Variants in RAB27A observed in about 807,000 individuals in gnomAD.
RAB27A encodes the protein ras-related protein Rab-27A.
RAB27A carries 17 observed loss-of-function variants against 20.8 expected under a neutral mutation model. That is an observed-to-expected ratio of 0.82 (90% CI 0.56 to 1.23). RAB27A has a LOEUF of 1.23. RAB27A is among the 50% of genes most tolerant of loss of function. The pLI is 0.00. For synonymous variants in RAB27A, 85 were observed against 92.8 expected, an observed-to-expected ratio of 0.92 and a Z score of 0.48; for missense variants, 277 against 266.7, an observed-to-expected ratio of 1.04 and a Z score of -0.27.
chr15:55,269,387 G>T (rs1253258614), intron 2 of RAB27A, among the ~76,000 whole-genome samples: 1 of 152,118 alleles, frequency 6.6e-6, no homozygotes, highest in Non-Finnish European at 1.5e-5. Flanking sequence ...TTTAAAAGCA[G>T]ATTTAATTCC....
intron 1 of RAB27A, among the ~76,000 whole-genome samples, chr15:55,318,509 C>A (rs2055082699): frequency 6.6e-6 from 1 of 150,760 alleles, no homozygotes; most frequent in Admixed American, 6.6e-5. Context: ...TCCAGACCAG[C>A]CAGGCCAATA....
In RAB27A at chr15:55,228,639, G is replaced by T. The variant is rs200107421; in HGVS notation, c.313C>A (p.Gln105Lys). The T allele has an allele frequency of 3.1e-5, 50 of 1,611,724 alleles. No individual in the cohort carries two copies. Among genetic ancestry groups the T allele is most frequent in the Non-Finnish European group, 4.2e-5 (49 of 1,177,944 alleles). Reference sequence around the variant, plus strand: ...CAGTTTCTGACATTGAGGAAACTTTGCTCATTTGTCAGATCAAAAAGTAGA... The same window carrying T: ...CAGTTTCTGACATTGAGGAAACTTTTCTCATTTGTCAGATCAAAAAGTAGA... ...FLLLFDLTNE[Q>K]SFLNVRNWIS... The change falls in exon 5 of 7, where the codon CAA (glutamine) becomes AAA (lysine). Residue 105 changes from glutamine to lysine, a missense_variant. Physicochemically the swap from Gln to Lys is moderately conservative, Grantham distance 53. Transcript: ENST00000336787.
chr15:55,206,041 T>C (rs1013998773), intron 6 of RAB27A, among the ~76,000 whole-genome samples: 1 of 151,608 alleles, frequency 6.6e-6, no homozygotes, highest in African/African-American at 2.4e-5. Flanking sequence ...GGAAACCCCA[T>C]CTCTACAAAA....
At chr15:55,217,789 G>A (rs368225935) in intron 6 of RAB27A, among the ~76,000 whole-genome samples, 1 of 150,748 alleles carries the variant, frequency 6.6e-6, no homozygotes, top group African/African-American at 2.4e-5. Context: ...CCACCATGGA[G>A]CCGTATTGCC....
At chr15:55,266,864 G>A (rs1897509635) in intron 2 of RAB27A, among the ~76,000 whole-genome samples, 1 of 152,212 alleles carries the variant, frequency 6.6e-6, no homozygotes. Context: ...GACATCAAGG[G>A]AGTTGTGTTT....
Position 55,230,417 on chromosome 15 carries a change from T to C in RAB27A, c.223A>G (p.Thr75Ala). Reference sequence around the variant, plus strand: ...ATCTCATACCTCTCCTGCCCTGCTGTGTCCCATAACTGCAGGTGGATTCTC... The same window carrying C: ...ATCTCATACCTCTCCTGCCCTGCTGCGTCCCATAACTGCAGGTGGATTCTC... ...GQRIHLQLWD[T>A]AGQERFRSLT... is the part of the protein sequence containing the mutation. The change falls in exon 4 of 7, where the codon ACA (threonine) becomes GCA (alanine). Residue 75 changes from threonine (T) to alanine (A), a missense_variant. Transcript: ENST00000336787. 4 of 1,613,126 alleles carry C rather than the reference T, an allele frequency of 2.5e-6. No homozygotes were observed. Among genetic ancestry groups the C allele is most frequent in the Non-Finnish European group, 3.4e-6 (4 of 1,179,058 alleles).
At chr15:55,210,430 G>C (rs1161034248) in intron 6 of RAB27A, among the ~76,000 whole-genome samples, 2 of 143,798 alleles carry the variant, frequency 1.4e-5, no homozygotes, top group Admixed American at 6.8e-5. Flanking sequence ...TTTTTTGAGG[G>C]GGGGGGAATT....
At position 55,204,933 on chromosome 15, in the gene RAB27A, A is replaced by G. The variant is rs1595660855; in HGVS notation, c.*574T>C. The G allele has an allele frequency of 6.2e-6, 1 of 161,458 alleles. No homozygotes were observed. Among genetic ancestry groups the G allele is most frequent in the Non-Finnish European group, 1.4e-5 (1 of 73,428 alleles). 10.0% of individuals were successfully genotyped at this position (161,458 alleles called of 1,614,324 possible). A position where few individuals can be genotyped will look rare whatever the true frequency, so the allele number is the denominator to read the frequency against. On this transcript the variant is annotated 3_prime_UTR_variant, in exon 7 of 7. Transcript: ENST00000336787. ...AATCCAGTTTATCCAAGGTCTATAGATATAGCCATGATTTGTCCTATATTC... is the reference window on the plus strand; with the variant it reads ...AATCCAGTTTATCCAAGGTCTATAGGTATAGCCATGATTTGTCCTATATTC...
At position 55,306,664 on chromosome 15, in the gene RAB27A, A is replaced by G. The variant is rs1488520734; in HGVS notation, c.-112+7375T>C. Among the ~76,000 whole-genome samples the G allele has an allele frequency of 2.0e-4, 31 of 152,216 alleles. 1 individual carries two copies. Among genetic ancestry groups the G allele is most frequent in the Admixed American group, 2.0e-3 (31 of 15,282 alleles). On this transcript the variant is annotated intron_variant, in intron 2 of 5. Coordinates refer to the RAB27A transcript ENST00000563262. ...CATGCATGCAAAGAGTGGCAGAGTT[A>G]TAGCAGTTGTGGGGCATATGGGTGT...
chr15:55,261,342 AG>A, intron 2 of RAB27A, among the ~76,000 whole-genome samples: 1 of 152,126 alleles, frequency 6.6e-6, no homozygotes, highest in Middle Eastern at 3.4e-3. Flanking sequence ...GGTTTCAGTG[AG>A]CCATGATCGT....
chr15:55,217,086 A>G (rs1895340658), intron 6 of RAB27A, among the ~76,000 whole-genome samples: 1 of 152,250 alleles, frequency 6.6e-6, no homozygotes, highest in Non-Finnish European at 1.5e-5. Context: ...CTCCAAATTC[A>G]AGTAACAAAC....
intron 2 of RAB27A, among the ~76,000 whole-genome samples, chr15:55,300,637 C>T (rs2054967851): frequency 6.6e-6 from 1 of 152,030 alleles, no homozygotes; most frequent in African/African-American, 2.4e-5. Context: ...CGAGAGTGTG[C>T]CATTGCACCC....
At chr15:55,256,255 A>AT (rs1347762043) in intron 2 of RAB27A, among the ~76,000 whole-genome samples, 2 of 152,056 alleles carry the variant, frequency 1.3e-5, no homozygotes, top group Admixed American at 6.5e-5. Flanking sequence ...TTGTACAAAA[A>AT]TTTTTTTAAT....
intron 2 of RAB27A, chr15:55,238,204 A>G (rs1256637278): frequency 1.3e-5 from 2 of 152,150 alleles, no homozygotes; most frequent in Non-Finnish European, 2.9e-5. Flanking sequence ...CTCTGGGTTC[A>G]GTTTTCTAAA....
chr15:55,271,092 C>T (rs543160508), intron 1 of RAB27A, among the ~76,000 whole-genome samples: 3 of 152,142 alleles, frequency 2.0e-5, no homozygotes, highest in South Asian at 4.1e-4. Context: ...TTTTCTGGTC[C>T]CCACGTATTC....
rs577611730 is a variant in RAB27A at position 55,302,385 on chromosome 15, G to A, written c.-112+11654C>T. Among the ~76,000 whole-genome samples, 78 of 152,006 alleles carry A rather than the reference G, an allele frequency of 5.1e-4. 2 individuals carry two copies. Among genetic ancestry groups the A allele is most frequent in the African/African-American group, 1.9e-3 (77 of 41,478 alleles). Reference sequence around the variant, plus strand: ...TCTCGTTCACTCAGTGCTCAATGGTGCCCAGGCTGGAGTGCAGTGGCATGA... The same window carrying A: ...TCTCGTTCACTCAGTGCTCAATGGTACCCAGGCTGGAGTGCAGTGGCATGA... On this transcript the variant is annotated intron_variant, in intron 2 of 5. Coordinates refer to the RAB27A transcript ENST00000563262.
chr15:55,301,940 C>A (rs1238493904), intron 2 of RAB27A, among the ~76,000 whole-genome samples: 2 of 151,988 alleles, frequency 1.3e-5, no homozygotes, highest in Non-Finnish European at 2.9e-5. Context: ...GCCACCATGC[C>A]CAGTTCATCA....
intron 6 of RAB27A, among the ~76,000 whole-genome samples, chr15:55,210,069 T>TACATGTAC (rs1203105205): frequency 7.5e-6 from 1 of 133,098 alleles, no homozygotes; most frequent in African/African-American, 3.2e-5. Context: ...TATGTGTGTG[T>TACATGTAC]ACATATACAT....
intron 2 of RAB27A, among the ~76,000 whole-genome samples, chr15:55,262,326 T>A (rs143014132): frequency 2.0e-5 from 3 of 151,898 alleles, no homozygotes; most frequent in Non-Finnish European, 1.5e-5. Context: ...CGAATCACAA[T>A]GTCAGGAGAT....
Sources: gnomAD v4.1 joint callset for allele counts (sites outside exome capture counted in the v4.1 genomes callset) on GRCh38, gnomAD v4.1.1 for gene constraint, MANE v1.5 for transcripts, NCBI Gene and HGNC (gene_info 2026-07-23, HGNC 2026-07-21) for gene names.